KLF12: variants seen among roughly 807,000 people sequenced by gnomAD.
KLF12 encodes Krueppel-like factor 12.
Under a neutral mutation model 37.8 loss-of-function variants are expected in KLF12, and 9 were observed. That is an observed-to-expected ratio of 0.24 (90% CI 0.14 to 0.42). The LOEUF (loss-of-function observed/expected upper bound fraction) is 0.42, where lower values mean the gene tolerates loss of function less well. Among genes scored for constraint, KLF12 ranks in the 10% least tolerant of loss-of-function variants. The pLI, the probability that KLF12 is intolerant of heterozygous loss-of-function variation, is 1.00. For missense variants in KLF12, 411 were observed against 516.0 expected, an observed-to-expected ratio of 0.80 and a Z score of 1.97; for synonymous variants, 208 against 202.1, an observed-to-expected ratio of 1.03 and a Z score of -0.25.
chr13:73,961,216 G>A (rs554150987), intron 2 of KLF12, among the ~76,000 whole-genome samples: 3 of 152,106 alleles, frequency 2.0e-5, no homozygotes, highest in Non-Finnish European at 4.4e-5. Context: ...TTCCTAGAGA[G>A]TTATTATGAA....
chr13:73,802,966 A>G (rs1882359323), intron 5 of KLF12, among the ~76,000 whole-genome samples: 1 of 152,228 alleles, frequency 6.6e-6, no homozygotes, highest in East Asian at 1.9e-4. Flanking sequence ...ACAATTAAAC[A>G]GAACAAATAC....
chr13:74,066,925 T>G (rs940305105), intron 1 of KLF12, among the ~76,000 whole-genome samples: 1 of 152,146 alleles, frequency 6.6e-6, no homozygotes, highest in Non-Finnish European at 1.5e-5. Context: ...TTGAAGACCA[T>G]TTTAAAGAAC....
the KLF12 span, among the ~76,000 whole-genome samples, chr13:74,188,691 A>G: frequency 6.6e-6 from 1 of 152,058 alleles, no homozygotes; most frequent in African/African-American, 2.4e-5. Flanking sequence ...GTTAATAGGT[A>G]TTCAGCTTAA....
the KLF12 span, among the ~76,000 whole-genome samples, chr13:74,190,597 G>A: frequency 6.6e-6 from 1 of 152,126 alleles, no homozygotes; most frequent in Non-Finnish European, 1.5e-5. Flanking sequence ...TTTCTAATCT[G>A]CTTCCTCAAT....
At chr13:74,015,104 AT>A (rs1422106367) in intron 1 of KLF12, among the ~76,000 whole-genome samples, 5 of 152,164 alleles carry the variant, frequency 3.3e-5, no homozygotes, top group African/African-American at 1.2e-4. Flanking sequence ...TAAACAGTAG[AT>A]TATATACATC....
intron 3 of KLF12, among the ~76,000 whole-genome samples, chr13:73,869,175 G>C (rs566505322): frequency 6.6e-6 from 1 of 152,180 alleles, no homozygotes; most frequent in South Asian, 2.1e-4. Context: ...AGACCTTTCT[G>C]CAGGTAAACT....
chr13:74,228,887 C>A, the KLF12 span, among the ~76,000 whole-genome samples: 129 of 146,808 alleles, frequency 8.8e-4, no homozygotes, highest in Non-Finnish European at 1.1e-3. Context: ...AAAAAAAAAA[C>A]ACACCAGAAA....
chr13:73,743,098 T>C (rs1224030251), intron 6 of KLF12, among the ~76,000 whole-genome samples: 2 of 152,174 alleles, frequency 1.3e-5, no homozygotes, highest in Non-Finnish European at 2.9e-5. Flanking sequence ...CTGTTTCTGT[T>C]AGTTCCTCCA....
At chr13:73,736,556 G>A (rs1301014245) in intron 6 of KLF12, among the ~76,000 whole-genome samples, 1 of 152,104 alleles carries the variant, frequency 6.6e-6, no homozygotes, top group African/African-American at 2.4e-5. Context: ...GGTGATATGT[G>A]TCTGCATATT....
intron 3 of KLF12, among the ~76,000 whole-genome samples, chr13:73,906,220 A>G (rs1419166874): frequency 6.6e-6 from 1 of 152,176 alleles, no homozygotes; most frequent in Non-Finnish European, 1.5e-5. Context: ...TGTTTATCCT[A>G]CTTGGGATAC....
chr13:74,056,793 T>C (rs1873268662), intron 1 of KLF12, among the ~76,000 whole-genome samples: 1 of 152,230 alleles, frequency 6.6e-6, no homozygotes. Flanking sequence ...TGGAAAAATA[T>C]TTAAGAGCCA....
chr13:74,210,931 C>A, the KLF12 span, among the ~76,000 whole-genome samples: 5 of 150,646 alleles, frequency 3.3e-5, no homozygotes, highest in Non-Finnish European at 7.4e-5. Flanking sequence ...TTTACACACC[C>A]AAGTTGGCCT....
chr13:74,019,620 G>T (rs939043291), intron 1 of KLF12, among the ~76,000 whole-genome samples: 5 of 152,194 alleles, frequency 3.3e-5, no homozygotes, highest in Non-Finnish European at 7.3e-5. Context: ...TACATCTCTT[G>T]TAATTAGATT....
intron 3 of KLF12, among the ~76,000 whole-genome samples, chr13:73,933,606 C>T (rs1889786735): frequency 6.6e-6 from 1 of 152,146 alleles, no homozygotes; most frequent in Non-Finnish European, 1.5e-5. Context: ...AAGAAGGATG[C>T]TGTCAAAGCC....
chr13:74,253,021 ATCTG>A, the KLF12 span, among the ~76,000 whole-genome samples: 12,886 of 86,842 alleles, frequency 0.15, 1,053 homozygotes, highest in African/African-American at 0.47. Flanking sequence ...CTATCTATCT[ATCTG>A]TCTGTCTATC....
intron 2 of KLF12, among the ~76,000 whole-genome samples, chr13:73,954,610 C>CA (rs1391542104): frequency 6.6e-6 from 1 of 152,216 alleles, no homozygotes; most frequent in Non-Finnish European, 1.5e-5. Context: ...TCTAGACAGT[C>CA]ATGTCAGACA....
At chr13:73,933,564 C>T (rs1889784004) in intron 3 of KLF12, among the ~76,000 whole-genome samples, 1 of 152,128 alleles carries the variant, frequency 6.6e-6, no homozygotes, top group Admixed American at 6.5e-5. Flanking sequence ...ATAGTCTCAC[C>T]TTTCATACGA....
chr13:73,742,881 A>G (rs977535439), intron 6 of KLF12, among the ~76,000 whole-genome samples: 3 of 152,206 alleles, frequency 2.0e-5, no homozygotes, highest in African/African-American at 7.2e-5. Flanking sequence ...TACAGCCACA[A>G]GAGAAAATAA....
At chr13:74,241,969 C>T in the KLF12 span, among the ~76,000 whole-genome samples, 2 of 152,172 alleles carry the variant, frequency 1.3e-5, no homozygotes, top group African/African-American at 2.4e-5. Flanking sequence ...GGCTCCTCCC[C>T]CCAGGTACCG....
Sources: allele counts gnomAD v4.1 joint callset (sites outside exome capture counted in the v4.1 genomes callset), GRCh38; gene constraint gnomAD v4.1.1; transcripts MANE v1.5; gene names NCBI Gene and HGNC (gene_info 2026-07-23, HGNC 2026-07-21).